TTC28: variants seen among roughly 807,000 people sequenced by gnomAD.
TTC28 encodes the protein tetratricopeptide repeat domain 28.
Under a neutral mutation model 198.0 loss-of-function variants are expected in TTC28, and 61 were observed. The ratio of observed to expected loss-of-function variants is 0.31; its 90% CI spans 0.25 to 0.38. TTC28 has a LOEUF of 0.38. TTC28 is among the 10% of genes least tolerant of loss of function. TTC28 has a pLI of 1.00. For synonymous variants in TTC28, 1,171 were observed against 1,297.8 expected (o/e 0.90, Z 2.10); for missense variants, 2,678 against 3,164.0 (o/e 0.85, Z 3.69).
intron 2 of TTC28, among the ~76,000 whole-genome samples, chr22:28,391,460 C>A (rs556731508): frequency 2.8e-4 from 42 of 152,294 alleles, no homozygotes; most frequent in African/African-American, 4.3e-4. Flanking sequence ...TCCATTCTCC[C>A]CGTCACTTTC....
Position 28,107,306 on chromosome 22 carries a change from T to C in TTC28, c.2539A>G (p.Met847Val). 3 of 1,551,900 alleles carry C rather than the reference T, an allele frequency of 1.9e-6. No homozygotes were observed. Among genetic ancestry groups the C allele is most frequent in the Non-Finnish European group, 2.6e-6 (3 of 1,147,030 alleles). The change falls in exon 7 of 23, where the codon ATG becomes GTG. Residue 847 changes from methionine (M) to valine (V), a missense_variant. Met to Val is a conservative substitution (Grantham distance 21). This residue lies in a region of TTC28 where 775 missense variants were observed against 845.9 expected (regional missense o/e 0.92). Coordinates refer to ENST00000397906, the MANE Select transcript of TTC28 (RefSeq NM_001145418.2). ...CCAATGGCTTCTTCCATCACATTCA[T>C]GTTCATCTTTGTGATGCCCATGTTG... Reference protein sequence around the residue: ...YGNMGITKMNMNVMEEAIGYF... With the variant: ...YGNMGITKMNVNVMEEAIGYF...
chr22:28,336,988 T>C (rs887109816), intron 2 of TTC28, among the ~76,000 whole-genome samples: 9 of 152,216 alleles, frequency 5.9e-5, no homozygotes, highest in Non-Finnish European at 1.3e-4. Flanking sequence ...GTGCTATAAA[T>C]TTCCCTCTAC....
chr22:28,512,030 A>G (rs1037918035), intron 2 of TTC28, among the ~76,000 whole-genome samples: 23 of 152,186 alleles, frequency 1.5e-4, no homozygotes, highest in African/African-American at 5.3e-4. Flanking sequence ...AATGGGAGAA[A>G]ATTTTTGCAG....
intron 2 of TTC28, among the ~76,000 whole-genome samples, chr22:28,330,403 ATGGTCGTCTT>A: frequency 6.6e-6 from 1 of 152,186 alleles, no homozygotes; most frequent in South Asian, 2.1e-4. Flanking sequence ...CTCCAGATTT[ATGGTCGTCTT>A]TGACTTGTTA....
At chr22:28,121,397 T>A (rs767750042) in intron 6 of TTC28, among the ~76,000 whole-genome samples, 2 of 152,178 alleles carry the variant, frequency 1.3e-5, no homozygotes, top group East Asian at 3.9e-4. Flanking sequence ...GCCAACCACT[T>A]CTTCCATGCA....
At chr22:28,339,579 C>G (rs1406630838) in intron 2 of TTC28, among the ~76,000 whole-genome samples, 1 of 152,202 alleles carries the variant, frequency 6.6e-6, no homozygotes, top group African/African-American at 2.4e-5. Flanking sequence ...CCTACTCAAG[C>G]CTTGGCAATG....
intron 2 of TTC28, among the ~76,000 whole-genome samples, chr22:28,487,505 T>C (rs183799520): frequency 4.6e-5 from 7 of 152,280 alleles, no homozygotes; most frequent in Admixed American, 2.6e-4. Flanking sequence ...AGATTTTGTG[T>C]ATATTTCATT....
At chr22:28,101,854 G>C (rs1942166906) in intron 8 of TTC28, among the ~76,000 whole-genome samples, 1 of 142,568 alleles carries the variant, frequency 7.0e-6, no homozygotes. Context: ...GACAAGAGCT[G>C]AATCAGCCAA....
chr22:28,133,604 C>A (rs556220313), intron 6 of TTC28, among the ~76,000 whole-genome samples: 1 of 152,204 alleles, frequency 6.6e-6, no homozygotes, highest in Non-Finnish European at 1.5e-5. Context: ...CACAGAGCCT[C>A]CCTCATTGCT....
intron 5 of TTC28, among the ~76,000 whole-genome samples, chr22:28,170,836 T>C (rs1432588103): frequency 6.6e-6 from 1 of 151,940 alleles, no homozygotes; most frequent in East Asian, 1.9e-4. Flanking sequence ...AGTGGGGTGG[T>C]CTCCATTAAG....
chr22:28,660,537 T>C (rs2051726057), intron 1 of TTC28, among the ~76,000 whole-genome samples: 1 of 151,864 alleles, frequency 6.6e-6, no homozygotes, highest in Non-Finnish European at 1.5e-5. Context: ...TTTGGTTTGG[T>C]TTTTTGAGAT....
At chr22:28,191,595 A>G (rs1924762298) in intron 5 of TTC28, among the ~76,000 whole-genome samples, 1 of 152,210 alleles carries the variant, frequency 6.6e-6, no homozygotes. Flanking sequence ...CCACCCTAAT[A>G]CTGCGCTTTT....
chr22:28,216,732 A>T (rs1478494951), intron 5 of TTC28, among the ~76,000 whole-genome samples: 1 of 151,952 alleles, frequency 6.6e-6, no homozygotes, highest in African/African-American at 2.4e-5. Context: ...TTGAAAAAAA[A>T]TTTTTTAGAG....
intron 2 of TTC28, among the ~76,000 whole-genome samples, chr22:28,583,233 T>C (rs566593343): frequency 5.9e-5 from 9 of 152,324 alleles, no homozygotes; most frequent in Non-Finnish European, 1.0e-4. Context: ...ATAAAAAAGA[T>C]TGATGTCACT....
intron 2 of TTC28, among the ~76,000 whole-genome samples, chr22:28,553,846 C>T (rs1409901861): frequency 6.6e-6 from 1 of 152,348 alleles, no homozygotes; most frequent in East Asian, 1.9e-4. Flanking sequence ...AGCCCCTCTG[C>T]CTGGCCACCA....
chr22:28,541,818 T>C (rs540933996), intron 2 of TTC28, among the ~76,000 whole-genome samples: 2 of 152,148 alleles, frequency 1.3e-5, no homozygotes, highest in African/African-American at 4.8e-5. Flanking sequence ...GCCAGGGACA[T>C]TGGCTCACGC....
chr22:28,428,731 C>T (rs531384796), intron 2 of TTC28, among the ~76,000 whole-genome samples: 9 of 151,946 alleles, frequency 5.9e-5, no homozygotes, highest in Admixed American at 3.9e-4. Flanking sequence ...CTCCGCCTCC[C>T]GGGATCACGC....
At chr22:28,043,313 C>T (rs1178161118) in intron 12 of TTC28, among the ~76,000 whole-genome samples, 1 of 149,638 alleles carries the variant, frequency 6.7e-6, no homozygotes, top group East Asian at 2.0e-4. Flanking sequence ...CATATGGTGA[C>T]CATCCTTCCT....
intron 5 of TTC28, among the ~76,000 whole-genome samples, chr22:28,237,885 T>TG (rs1488675195): frequency 6.6e-6 from 1 of 152,164 alleles, no homozygotes; most frequent in African/African-American, 2.4e-5. Flanking sequence ...TACTGAATTC[T>TG]GGGGGGAGAG....
Sources: allele counts gnomAD v4.1 joint callset (sites outside exome capture counted in the v4.1 genomes callset), GRCh38; gene constraint gnomAD v4.1.1; regional missense constraint gnomAD v4.1.1; transcripts MANE v1.5; gene names NCBI Gene and HGNC (gene_info 2026-07-23, HGNC 2026-07-21).